Variants in LGI1 observed in about 807,000 individuals in gnomAD.
LGI1 encodes leucine-rich glioma-inactivated protein 1.
Under a neutral mutation model 57.7 loss-of-function variants are expected in LGI1, and 11 were observed. That is an observed-to-expected ratio of 0.19 (90% CI 0.12 to 0.32). The LOEUF (loss-of-function observed/expected upper bound fraction) is 0.32, where lower values mean the gene tolerates loss of function less well. Among genes scored for constraint, LGI1 ranks in the 10% least tolerant of loss-of-function variants. The probability of loss-of-function intolerance (pLI) is 1.00; values close to 1 mark genes in which losing one functional copy is unlikely to be tolerated. For missense variants in LGI1, 422 were observed against 661.9 expected (o/e 0.64, Z 3.98); for synonymous variants, 222 against 241.9 (o/e 0.92, Z 0.76).
At chr10:93,777,154 T>C (rs144274406) in intron 2 of LGI1, 11 of 609,468 alleles carry the variant, frequency 1.8e-5, no homozygotes, top group Non-Finnish European at 3.2e-5. Context: ...GTGGCAGTCA[T>C]TGTGAGGAAT....
chr10:93,759,305 A>G (rs1030693424), intron 2 of LGI1: 1 of 170,020 alleles, frequency 5.9e-6, no homozygotes, highest in African/African-American at 2.4e-5. Flanking sequence ...ATTCCTTAAA[A>G]TGTTAATTCT....
chr10:93,795,434 C>T (rs1342734496), intron 7 of LGI1, among the ~76,000 whole-genome samples: 1 of 152,162 alleles, frequency 6.6e-6, no homozygotes, highest in Non-Finnish European at 1.5e-5. Flanking sequence ...CAGACTCGCT[C>T]AAGCCCTTTT....
At chr10:93,775,641 C>CA (rs1646199290) in intron 2 of LGI1, among the ~76,000 whole-genome samples, 2 of 152,166 alleles carry the variant, frequency 1.3e-5, no homozygotes, top group South Asian at 4.1e-4. Context: ...AACAAGCAGA[C>CA]AAAAAATCTA....
chr10:93,776,327 T>C (rs2059793517), intron 2 of LGI1, among the ~76,000 whole-genome samples: 1 of 152,218 alleles, frequency 6.6e-6, no homozygotes, highest in Non-Finnish European at 1.5e-5. Context: ...AAATTCACTC[T>C]TATGTATCCA....
rs1461141252 is a variant in LGI1 at position 93,777,140 on chromosome 10, G to T, written c.288-239G>T. The T allele has an allele frequency of 1.0e-5, 6 of 600,726 alleles. No individual in the cohort carries two copies. In the Middle Eastern group the frequency reaches 1.3e-3, roughly 135 times the overall value. The allele number at this position is 600,726 out of a possible 1,614,324, so 37.2% of individuals were successfully genotyped here. A position where few individuals can be genotyped will look rare whatever the true frequency, so the allele number is the denominator to read the frequency against. On this transcript the variant is annotated intron_variant, in intron 2 of 7. Transcript: ENST00000371418. ...ATTGTATCTCAAAATGTCACCCAGG[G>T]TATGTGGCAGTCATTGTGAGGAATC...
chr10:93,772,333 C>A (rs1331806500), intron 2 of LGI1, among the ~76,000 whole-genome samples: 1 of 152,026 alleles, frequency 6.6e-6, no homozygotes, highest in Non-Finnish European at 1.5e-5. Flanking sequence ...ATTTAAAAAC[C>A]TTCTATAATC....
rs2059996189 is a variant in LGI1, at chr10:93,798,076, G to T, written c.*273G>T. ...TTAATGGTATCTGTTACTCCAAAAA[G>T]AAATATTAATATGTACTTTTCCATT... On this transcript the variant is annotated 3_prime_UTR_variant, in exon 8 of 8. Transcript: ENST00000371418. 2 of 469,724 alleles carry T rather than the reference G, an allele frequency of 4.3e-6. No homozygotes were observed. The highest frequency in any genetic ancestry group is 3.8e-5 in the Admixed American group (1 of 26,188). The allele number at this position is 469,724 out of a possible 1,614,324, so 29.1% of individuals were successfully genotyped here. A position where few individuals can be genotyped will look rare whatever the true frequency, so the allele number is the denominator to read the frequency against.
intron 5 of LGI1, chr10:93,792,428 G>A: frequency 6.9e-6 from 2 of 291,032 alleles, no homozygotes; most frequent in Non-Finnish European, 1.3e-5. Context: ...TTTTTAATGT[G>A]GCTATAGAAA....
At position 93,777,410 on chromosome 10, in the gene LGI1, A is replaced by G. The variant is rs2059804495; in HGVS notation, c.319A>G (p.Ser107Gly). ...CACATCGAACTCCTTTGATGTGATC[A>G]GTGATGATGCTTTTATTGGTCTTCC... is the stretch of plus-strand genomic sequence containing the variant. ...LFTSNSFDVI[S>G]DDAFIGLPHL... Residue 107 changes from serine to glycine, a missense_variant, in exon 3 of 8, where the codon AGT becomes GGT. Ser to Gly is a moderately conservative substitution (Grantham distance 56). Around this residue, in one of 3 missense-constraint regions of LGI1, gnomAD observed 63 missense variants for 138.4 expected, o/e 0.46. Coordinates refer to ENST00000371418, the MANE Select transcript of LGI1 (RefSeq NM_005097.4). 1 of 1,614,120 alleles carries G rather than the reference A, an allele frequency of 6.2e-7. No homozygotes were observed. Among genetic ancestry groups the G allele is most frequent in the Non-Finnish European group, 8.5e-7 (1 of 1,179,984 alleles).
In LGI1 at chr10:93,758,638, A is replaced by T. The variant is rs2059590074; in HGVS notation, c.216-122A>T. The T allele has an allele frequency of 2.6e-6, 2 of 762,018 alleles. No individual in the cohort carries two copies. The highest frequency in any genetic ancestry group is 3.5e-5 in the African/African-American group (2 of 57,766). The allele number at this position is 762,018 out of a possible 1,614,324, so 47.2% of individuals were successfully genotyped here. ...CTGGGAAGGAATAGTATCGTACTTC[A>T]TAAAATAGTGTCAAAATAGTCACTG... On this transcript the variant is annotated intron_variant, in intron 1 of 7. Coordinates refer to ENST00000371418, the MANE Select transcript of LGI1 (RefSeq NM_005097.4). This position sits in a 1 kb window ranked among gnomAD's most constrained non-coding sequence, Gnocchi z 4.7.
chr10:93,782,341 C>A (rs2059854065), intron 4 of LGI1, among the ~76,000 whole-genome samples: 1 of 152,146 alleles, frequency 6.6e-6, no homozygotes, highest in African/African-American at 2.4e-5. Context: ...TAATAATAAT[C>A]TCTTAAAATG....
chr10:93,759,709 C>T (rs1426881987), intron 2 of LGI1, among the ~76,000 whole-genome samples: 1 of 152,208 alleles, frequency 6.6e-6, no homozygotes, highest in Non-Finnish European at 1.5e-5. Flanking sequence ...GCTATCTTAA[C>T]TGCATGATTC....
At position 93,780,744 on chromosome 10, in the gene LGI1, G is replaced by A. The variant is rs528496818; in HGVS notation, c.431+3127G>A. Among the ~76,000 whole-genome samples, 16 of 152,284 alleles carry A rather than the reference G, an allele frequency of 1.1e-4. No homozygotes were observed. The East Asian group carries it at 2.5e-3, about 24-fold the overall frequency. On this transcript the variant is annotated intron_variant, in intron 4 of 7. Transcript: ENST00000371418. ...TGCTACGTCCACTGTGCCAGTTACC[G>A]CAGGACCAGATAGCTTTTATTGAGC...
At chr10:93,767,517 T>C (rs1182543448) in intron 2 of LGI1, 7 of 152,230 alleles carry the variant, frequency 4.6e-5, no homozygotes, top group African/African-American at 1.7e-4. Context: ...TACAGTACTT[T>C]GGAAATATAT....
chr10:93,758,887 T>C lies in LGI1; in HGVS notation c.287+56T>C. The C allele has an allele frequency of 8.3e-7, 1 of 1,205,982 alleles. No homozygotes were observed. The highest frequency in any genetic ancestry group is 1.7e-5 in the Admixed American group (1 of 58,438). The allele number at this position is 1,205,982 out of a possible 1,614,324, so 74.7% of individuals were successfully genotyped here. ...AATATGGCATATATTTGGATAAGCC[T>C]TCTAGTAAAATGATCTCAATATTAA... On this transcript the variant is annotated intron_variant, in intron 2 of 7. Transcript: ENST00000371418. This position sits in a 1 kb window ranked among gnomAD's most constrained non-coding sequence, Gnocchi z 4.7.
chr10:93,797,427 A>C lies in LGI1; in HGVS notation c.1298A>C (p.Tyr433Ser). Residue 433 changes from tyrosine to serine, a missense_variant, in exon 8 of 8, where the codon TAC becomes TCC. Physicochemically the swap from Tyr to Ser is moderately radical, Grantham distance 144. Transcript: ENST00000371418. This position sits in a 1 kb window ranked among gnomAD's most constrained non-coding sequence, Gnocchi z 6.5. ...QTDIPNMEDVYAVKHFSVKGD... is the reference protein window; with the variant it reads ...QTDIPNMEDVSAVKHFSVKGD... ...GACATTCCTAACATGGAGGATGTGT[A>C]CGCAGTGAAGCACTTCTCAGTGAAA... 1.2e-6 allele frequency: 2 copies of C among 1,614,244 alleles called. No homozygotes were observed. The highest frequency in any genetic ancestry group is 1.7e-6 in the Non-Finnish European group (2 of 1,180,048).
At chr10:93,792,548 G>A (rs2059945867) in intron 5 of LGI1, 195 bp from the exon 6 acceptor site, 3 of 645,384 alleles carry the variant, frequency 4.6e-6, no homozygotes, top group African/African-American at 3.6e-5. Flanking sequence ...CATTGACTGG[G>A]TAGTCTTCAA....
rs2059923737 is a variant in LGI1, at chr10:93,790,111, C to T, written c.444C>T (p.Asn148=). ...TTTTTTTTTCCAGGAGCCTTGCAAA[C>T]AACAATCTCCAGACACTCCCAAAAG... ...LKSLIHLSLA[N]NNLQTLPKDI... Residue 148 remains asparagine, a synonymous_variant, in exon 5 of 8, where the codon AAC becomes AAT. Coordinates refer to ENST00000371418, the MANE Select transcript of LGI1 (RefSeq NM_005097.4). The T allele has an allele frequency of 1.3e-6, 2 of 1,528,522 alleles. No individual in the cohort carries two copies. The highest frequency in any genetic ancestry group is 3.0e-5 in the African/African-American group (2 of 67,310). The allele number at this position is 1,528,522 out of a possible 1,614,324, so 94.7% of individuals were successfully genotyped here.
chr10:93,760,016 T>C (rs2059606604), intron 2 of LGI1, among the ~76,000 whole-genome samples: 1 of 152,210 alleles, frequency 6.6e-6, no homozygotes, highest in African/African-American at 2.4e-5. Flanking sequence ...GCTTACACAT[T>C]TATAAATGGT....
Sources: gnomAD v4.1 joint callset for allele counts (sites outside exome capture counted in the v4.1 genomes callset) on GRCh38, gnomAD v4.1.1 for gene constraint, gnomAD v4.1.1 regional missense constraint, Gnocchi (gnomAD v3.1) non-coding constraint, MANE v1.5 for transcripts, NCBI Gene and HGNC (gene_info 2026-07-23, HGNC 2026-07-21) for gene names.